The following SLC8A1 variants were observed in gnomAD, a reference collection of about 807,000 sequenced individuals.
SLC8A1 encodes the protein sodium/calcium exchanger 1.
In SLC8A1, 18 loss-of-function variants were observed where a neutral mutation model predicts 68.3. The observed-to-expected ratio is 0.26, with a 90% confidence interval of 0.18 to 0.39. The LOEUF is 0.39. Among genes scored for constraint, SLC8A1 ranks in the 10% least tolerant of loss-of-function variants. The probability of loss-of-function intolerance (pLI) is 1.00; values close to 1 mark genes in which losing one functional copy is unlikely to be tolerated. For missense variants in SLC8A1, 985 were observed against 1,156.7 expected (o/e 0.85, Z 2.15); for synonymous variants, 475 against 415.5 (o/e 1.14, Z -1.74).
chr2:40,190,330 A>G (rs746188043), intron 2 of SLC8A1, among the ~76,000 whole-genome samples: 3 of 152,168 alleles, frequency 2.0e-5, no homozygotes, highest in Non-Finnish European at 4.4e-5. Context: ...TTATACACAT[A>G]CGCAAACTGA....
At chr2:40,219,651 C>T (rs371479088) in intron 2 of SLC8A1, among the ~76,000 whole-genome samples, 93 of 152,220 alleles carry the variant, frequency 6.1e-4, no homozygotes, top group African/African-American at 2.1e-3. Flanking sequence ...TTCTTCTCTT[C>T]AGACTTTTAT....
chr2:40,153,802 T>C (rs892953223), intron 6 of SLC8A1, among the ~76,000 whole-genome samples: 6 of 152,326 alleles, frequency 3.9e-5, no homozygotes, highest in Non-Finnish European at 7.4e-5. Flanking sequence ...GTCTGGACTT[T>C]CTAGGAAATC....
chr2:40,446,626 A>G (rs1452491373), intron 1 of SLC8A1: 1 of 152,264 alleles, frequency 6.6e-6, no homozygotes, highest in Admixed American at 6.5e-5. Context: ...ACTTCAGCAT[A>G]GGTGTTCTAG....
At chr2:40,311,896 G>A (rs954599293) in intron 2 of SLC8A1, among the ~76,000 whole-genome samples, 3 of 152,094 alleles carry the variant, frequency 2.0e-5, no homozygotes, top group Non-Finnish European at 4.4e-5. Flanking sequence ...CACAAACTCA[G>A]AAAATAGTTC....
At chr2:40,511,907 A>G (rs1227396551) in intron 1 of SLC8A1, among the ~76,000 whole-genome samples, 1 of 152,178 alleles carries the variant, frequency 6.6e-6, no homozygotes, top group Non-Finnish European at 1.5e-5. Context: ...TCCTATGTCT[A>G]AGGAAGAACT....
At chr2:40,314,094 C>T (rs1372470624) in intron 2 of SLC8A1, among the ~76,000 whole-genome samples, 1 of 151,910 alleles carries the variant, frequency 6.6e-6, no homozygotes, top group Non-Finnish European at 1.5e-5. Context: ...CCTAAGTTCT[C>T]AAAGACTTTC....
intron 2 of SLC8A1, among the ~76,000 whole-genome samples, chr2:40,180,262 A>T (rs747862275): frequency 3.7e-4 from 56 of 152,130 alleles, no homozygotes; most frequent in Non-Finnish European, 5.7e-4. Context: ...TGCTGTGACT[A>T]AACTAGAATA....
chr2:40,206,667 A>C (rs936144864), intron 2 of SLC8A1, among the ~76,000 whole-genome samples: 12 of 152,034 alleles, frequency 7.9e-5, no homozygotes, highest in African/African-American at 2.9e-4. Context: ...GAACCAGCAG[A>C]ATGAGCTTTA....
chr2:40,188,652 A>ATGTTATAGGACAGCAGCTAGAATAT (rs2051161279), intron 2 of SLC8A1, among the ~76,000 whole-genome samples: 1 of 152,254 alleles, frequency 6.6e-6, no homozygotes, highest in African/African-American at 2.4e-5. Context: ...CACTCCTGGC[A>ATGTTATAGGACAGCAGCTAGAATAT]TGTTATAGGA....
intron 1 of SLC8A1, among the ~76,000 whole-genome samples, chr2:40,480,513 C>A (rs1333040283): frequency 6.6e-6 from 1 of 152,124 alleles, no homozygotes; most frequent in Non-Finnish European, 1.5e-5. Context: ...GGATTTCCAG[C>A]CTTTAGAACT....
At chr2:40,144,035 C>A (rs75314180) in intron 6 of SLC8A1, among the ~76,000 whole-genome samples, 188 of 152,318 alleles carry the variant, frequency 1.2e-3, no homozygotes, top group African/African-American at 4.1e-3. Context: ...AGAAGAAATG[C>A]TCAAGTCCTT....
chr2:40,235,903 A>G (rs1302763374), intron 2 of SLC8A1, among the ~76,000 whole-genome samples: 2 of 151,540 alleles, frequency 1.3e-5, no homozygotes, highest in East Asian at 3.9e-4. Flanking sequence ...CATGTAGTTG[A>G]GGGGTTTTGA....
At chr2:40,131,300 G>A (rs760142850) in intron 7 of SLC8A1, among the ~76,000 whole-genome samples, 1 of 152,192 alleles carries the variant, frequency 6.6e-6, no homozygotes, top group Non-Finnish European at 1.5e-5. Flanking sequence ...TAGTCATTGT[G>A]CTAAGACTTT....
chr2:40,486,520 A>G (rs1704977027), intron 1 of SLC8A1, among the ~76,000 whole-genome samples: 2 of 152,110 alleles, frequency 1.3e-5, no homozygotes, highest in Non-Finnish European at 2.9e-5. Context: ...CTAACAAATA[A>G]TTTTCATACT....
chr2:40,428,361 T>C, intron 2 of SLC8A1, 112 bp downstream of exon 2: 3 of 1,408,560 alleles, frequency 2.1e-6, no homozygotes, highest in African/African-American at 2.9e-5. Context: ...AGCTATTCCA[T>C]TCCTTGCATG....
rs1695460315 is a variant in SLC8A1 at position 40,421,370 on chromosome 2, C to G, written c.1808+7103G>C. Among the ~76,000 whole-genome samples the G allele has an allele frequency of 2.6e-5, 4 of 152,252 alleles. No individual in the cohort carries two copies. In the South Asian group the frequency reaches 8.3e-4, roughly 32 times the overall value. On this transcript the variant is annotated intron_variant, in intron 2 of 7. Transcript: ENST00000406785. ...AGCTCAAATTTCCAAGTTTAGCGAT[C>G]CTCCTAAGCCCATCTTTATCTCAGG...
At chr2:40,350,219 T>C (rs6708799) in intron 2 of SLC8A1, among the ~76,000 whole-genome samples, 12,652 of 152,152 alleles carry the variant, frequency 0.083, 814 homozygotes, top group East Asian at 0.19. Context: ...TGGTGGCTCA[T>C]GCCTACAATC....
chr2:40,450,456 T>C (rs955922616), intron 1 of SLC8A1, among the ~76,000 whole-genome samples: 1 of 152,064 alleles, frequency 6.6e-6, no homozygotes, highest in Non-Finnish European at 1.5e-5. Context: ...CCTTGGGAAA[T>C]CTTCGCACAA....
intron 1 of SLC8A1, among the ~76,000 whole-genome samples, chr2:40,431,304 G>A (rs1187802865): frequency 3.3e-5 from 5 of 151,958 alleles, no homozygotes; most frequent in Admixed American, 2.0e-4. Context: ...TAGTTCTGTC[G>A]AGGGTTCAAG....
Sources: gnomAD v4.1 joint callset for allele counts (sites outside exome capture counted in the v4.1 genomes callset) on GRCh38, gnomAD v4.1.1 for gene constraint, MANE v1.5 for transcripts, NCBI Gene and HGNC (gene_info 2026-07-23, HGNC 2026-07-21) for gene names.